HRH1: variants seen among roughly 807,000 people sequenced by gnomAD.
HRH1 encodes histamine H1 receptor.
In HRH1, 6 loss-of-function variants were observed where a neutral mutation model predicts 10.3. The ratio of observed to expected loss-of-function variants is 0.58; its 90% confidence interval spans 0.32 to 1.15. The LOEUF (loss-of-function observed/expected upper bound fraction) is 1.15. Ranked by LOEUF, HRH1 falls within the 50% of genes most tolerant of loss-of-function variation. The probability of loss-of-function intolerance (pLI) is 0.05; values close to 1 mark genes in which losing one functional copy is unlikely to be tolerated. For missense variants in HRH1, 514 were observed against 615.3 expected (o/e 0.84, Z 1.74); for synonymous variants, 242 against 236.7 (o/e 1.02, Z -0.21).
In HRH1 at chr3:11,259,492, G is replaced by A; in HGVS notation, c.455G>A (p.Trp152Ter). Residue 152 changes from tryptophan (W) to a stop codon, truncating the protein, a stop_gained, in exon 2 of 2, where the codon TGG (tryptophan) becomes TAG (stop). Transcript: ENST00000431010. LOFTEE classifies it low-confidence loss of function (END_TRUNC). The surrounding 1 kb of genome is among the most constrained non-coding windows in gnomAD (Gnocchi z 4.6). ...GCCTCGGCCACCATTCTGGGGGCCTGGTTTCTCTCTTTTCTGTGGGTTATT... is the reference window on the plus strand; with the variant it reads ...GCCTCGGCCACCATTCTGGGGGCCTAGTTTCTCTCTTTTCTGTGGGTTATT... ...TRASATILGA[W>*]FLSFLWVIPI... is the part of the protein sequence containing the mutation. 6.2e-7 allele frequency: 1 copy of A among 1,613,992 alleles called. No homozygotes were observed. Among genetic ancestry groups the A allele is most frequent in the Non-Finnish European group, 8.5e-7 (1 of 1,180,008 alleles).
chr3:11,252,638 C>A (rs1342047468), intron 1 of HRH1: 1 of 152,198 alleles, frequency 6.6e-6, no homozygotes, highest in Non-Finnish European at 1.5e-5. Flanking sequence ...ACTGTACTAT[C>A]TGATTAATAG....
At chr3:11,151,205 GA>G (rs911625530), upstream of HRH1, among the ~76,000 whole-genome samples, 3 of 152,206 alleles carry the variant, frequency 2.0e-5, no homozygotes, top group African/African-American at 7.2e-5. Flanking sequence ...GAAATATTTG[GA>G]AAGACGTGAT....
chr3:11,152,222 T>C (rs1936647947), upstream of HRH1, among the ~76,000 whole-genome samples: 1 of 152,226 alleles, frequency 6.6e-6, no homozygotes. Context: ...GTAAAGCTCT[T>C]AAATCAAGCC....
chr3:11,176,920 C>T (rs113697750), intron 1 of HRH1, among the ~76,000 whole-genome samples: 4 of 152,184 alleles, frequency 2.6e-5, no homozygotes, highest in East Asian at 1.9e-4. Flanking sequence ...TGATGAAACT[C>T]CGTCTCTATG....
chr3:11,161,598 G>C (rs1441215731), intron 1 of HRH1, among the ~76,000 whole-genome samples: 2 of 152,188 alleles, frequency 1.3e-5, no homozygotes, highest in African/African-American at 4.8e-5. Flanking sequence ...CCTAACATGG[G>C]CCTCTGGTAG....
At chr3:11,167,563 G>T (rs1271436611) in intron 1 of HRH1, among the ~76,000 whole-genome samples, 1 of 152,256 alleles carries the variant, frequency 6.6e-6, no homozygotes, top group Non-Finnish European at 1.5e-5. Flanking sequence ...GGCTTCTCCA[G>T]GCCTGTGATA....
chr3:11,143,017 G>A (rs1010339777), intron 1 of HRH1, among the ~76,000 whole-genome samples: 2 of 152,182 alleles, frequency 1.3e-5, no homozygotes, highest in African/African-American at 4.8e-5. Context: ...CCCAAGACAG[G>A]ACAAAAGCTT....
At chr3:11,195,978 A>G (rs1453308547) in intron 1 of HRH1, among the ~76,000 whole-genome samples, 1 of 152,236 alleles carries the variant, frequency 6.6e-6, no homozygotes, top group Non-Finnish European at 1.5e-5. Flanking sequence ...GGAAGAGACT[A>G]AAATGCTTTC....
At chr3:11,247,767 C>G (rs1274992233) in intron 1 of HRH1, among the ~76,000 whole-genome samples, 1 of 152,112 alleles carries the variant, frequency 6.6e-6, no homozygotes, top group Non-Finnish European at 1.5e-5. Context: ...TATCTAGGCT[C>G]TGTTGTTGTT....
intron 1 of HRH1, among the ~76,000 whole-genome samples, chr3:11,180,392 G>A (rs190482266): frequency 6.6e-6 from 1 of 152,242 alleles, no homozygotes; most frequent in East Asian, 1.9e-4. Flanking sequence ...TTAGATTCTC[G>A]TAAGGAGCGT....
At chr3:11,252,698 C>T (rs1031947345) in intron 1 of HRH1, 4 of 152,188 alleles carry the variant, frequency 2.6e-5, no homozygotes, top group Non-Finnish European at 4.4e-5. Flanking sequence ...TCTTTAAAGG[C>T]AGTATTGGAG....
intron 1 of HRH1, among the ~76,000 whole-genome samples, chr3:11,180,525 C>T (rs1373547000): frequency 1.3e-5 from 2 of 152,136 alleles, no homozygotes; most frequent in Non-Finnish European, 2.9e-5. Flanking sequence ...GCCTACCACC[C>T]ATCTTCTGCT....
chr3:11,144,379 GTCTATA>G lies in HRH1; in HGVS notation c.-36+6982_-36+6987del. ...TGTGTGTGTGTGTGTGTATATATAT[GTCTATA>G]TGTGTATATATACATATAGACATAC... is the stretch of plus-strand genomic sequence containing the variant. On this transcript the variant is annotated intron_variant, in intron 1 of 1. Coordinates refer to the HRH1 transcript ENST00000438284. 1.5e-3 allele frequency among the ~76,000 whole-genome samples: 3 copies of G among 1,950 alleles called. No individual in the cohort carries two copies. In the African/African-American group the frequency reaches 0.016, roughly 10 times the overall value. 1.3% of individuals were successfully genotyped at this position (1,950 alleles called of 152,430 possible). A position where few individuals can be genotyped will look rare whatever the true frequency, so the allele number is the denominator to read the frequency against.
chr3:11,244,130 A>G (rs1939421676), intron 1 of HRH1, among the ~76,000 whole-genome samples: 1 of 152,182 alleles, frequency 6.6e-6, no homozygotes, highest in Non-Finnish European at 1.5e-5. Context: ...TGGCTGCTTC[A>G]CTTTCCTAAT....
intron 1 of HRH1, among the ~76,000 whole-genome samples, chr3:11,182,347 T>C (rs1937374362): frequency 6.6e-6 from 1 of 152,244 alleles, no homozygotes; most frequent in Non-Finnish European, 1.5e-5. Flanking sequence ...AGTTCCCTCA[T>C]CTGTAACTTG....
rs536522162 is a variant in HRH1, at chr3:11,167,645, C to T, written c.-36+13091C>T. ...CCTGAGCGCAATCAATTGGTACCTC[C>T]CTGTATGTTTCACATTCAGCCTCCT... is the stretch of plus-strand genomic sequence containing the variant. On this transcript the variant is annotated intron_variant, in intron 1 of 1. Transcript: ENST00000431010. Among the ~76,000 whole-genome samples, 14 of 152,384 alleles carry T rather than the reference C, an allele frequency of 9.2e-5. No individual in the cohort carries two copies. The South Asian group carries it at 2.5e-3, about 27-fold the overall frequency.
intron 1 of HRH1, among the ~76,000 whole-genome samples, chr3:11,155,206 G>T (rs1039008344): frequency 1.3e-5 from 2 of 152,202 alleles, no homozygotes. Context: ...TTCCCCTGCA[G>T]TTCGGCTGCA....
chr3:11,211,881 A>G (rs1213931270), intron 1 of HRH1, among the ~76,000 whole-genome samples: 2 of 152,178 alleles, frequency 1.3e-5, no homozygotes, highest in African/African-American at 2.4e-5. Flanking sequence ...TTTCTTAGAC[A>G]GGCTGTATCA....
intron 1 of HRH1, among the ~76,000 whole-genome samples, chr3:11,187,774 T>C (rs1559264194): frequency 6.6e-6 from 1 of 152,240 alleles, no homozygotes. Flanking sequence ...GTTGTAAACA[T>C]GTAAACGTGG....
Sources: allele counts gnomAD v4.1 joint callset (sites outside exome capture counted in the v4.1 genomes callset), GRCh38; gene constraint gnomAD v4.1.1; non-coding constraint Gnocchi (gnomAD v3.1); transcripts MANE v1.5; gene names NCBI Gene and HGNC (gene_info 2026-07-23, HGNC 2026-07-21).